EAF2: variants seen among roughly 807,000 people sequenced by gnomAD.
EAF2 encodes the protein ELL associated factor 2, also known as ELL-associated factor 2.
EAF2 carries 29 observed loss-of-function variants against 29.4 expected under a neutral mutation model. The observed-to-expected ratio is 0.99, with a 90% CI of 0.73 to 1.35. The LOEUF is 1.35. EAF2 is among the 40% of genes most tolerant of loss of function. The probability of loss-of-function intolerance (pLI) is 0.00; values close to 1 mark genes in which losing one functional copy is unlikely to be tolerated. For missense variants in EAF2, 292 were observed against 312.0 expected (o/e 0.94, Z 0.48); for synonymous variants, 103 against 102.5 (o/e 1.00, Z -0.03).
intron 1 of EAF2, among the ~76,000 whole-genome samples, chr3:121,836,034 A>G (rs1708271092): frequency 6.6e-6 from 1 of 152,222 alleles, no homozygotes; most frequent in Non-Finnish European, 1.5e-5. Flanking sequence ...GTCCTCTGGA[A>G]CTAGTTTTAA....
intron 4 of EAF2, among the ~76,000 whole-genome samples, chr3:121,864,134 T>A (rs1708883018): frequency 6.6e-6 from 1 of 152,206 alleles, no homozygotes; most frequent in Admixed American, 6.5e-5. Flanking sequence ...GTAAGAAAAC[T>A]TAAATCTCCA....
At chr3:121,862,209 T>C (rs1304314046) in intron 4 of EAF2, among the ~76,000 whole-genome samples, 8 of 152,206 alleles carry the variant, frequency 5.3e-5, no homozygotes. Context: ...TGAATTTGAA[T>C]GTTGGCCTGC....
In EAF2 at chr3:121,854,573, T is replaced by C. The variant is rs538352366; in HGVS notation, c.202-114T>C. ...CAGGGTAGTAAATTTAGGTAGTTTA[T>C]GGGTGACTTGAAGTATAACATAGAA... On this transcript the variant is annotated intron_variant, in intron 2 of 5. Coordinates refer to ENST00000273668, the MANE Select transcript of EAF2 (RefSeq NM_018456.6). 29 of 830,616 alleles carry C rather than the reference T, an allele frequency of 3.5e-5. No homozygotes were observed. In the Admixed American group the frequency reaches 7.9e-4, roughly 23 times the overall value. 51.5% of individuals were successfully genotyped at this position (830,616 alleles called of 1,614,324 possible).
intron 2 of EAF2, among the ~76,000 whole-genome samples, chr3:121,851,363 T>G (rs1460379370): frequency 6.6e-6 from 1 of 151,142 alleles, no homozygotes; most frequent in African/African-American, 2.4e-5. Context: ...TTTTTTTTTG[T>G]GGACACAGGT....
intron 4 of EAF2, among the ~76,000 whole-genome samples, chr3:121,861,888 T>C (rs1007611091): frequency 2.0e-5 from 3 of 152,182 alleles, no homozygotes; most frequent in Non-Finnish European, 4.4e-5. Flanking sequence ...TCTCTCAGCA[T>C]TTGCTTGTCT....
chr3:121,884,658 C>T (rs182863151), intron 5 of EAF2, among the ~76,000 whole-genome samples: 1 of 152,170 alleles, frequency 6.6e-6, no homozygotes, highest in Non-Finnish European at 1.5e-5. Context: ...ATCTCTTGAC[C>T]TCATGATCCG....
In EAF2 at chr3:121,851,000, C is replaced by T. The variant is rs564481434; in HGVS notation, c.202-3687C>T. ...GCAAGCGTGAGCCACCGTGCCCGGC[C>T]AAGTCTATTCTTATCCATTTAAAGT... On this transcript the variant is annotated intron_variant, in intron 2 of 5. Transcript: ENST00000273668. Among the ~76,000 whole-genome samples the T allele has an allele frequency of 4.1e-4, 63 of 152,246 alleles. 1 individual carries two copies. Among genetic ancestry groups the T allele is most frequent in the African/African-American group, 1.5e-3 (63 of 41,530 alleles).
At chr3:121,863,353 C>T (rs963048780) in intron 4 of EAF2, among the ~76,000 whole-genome samples, 2 of 152,288 alleles carry the variant, frequency 1.3e-5, no homozygotes, top group Admixed American at 1.3e-4. Context: ...CTGGTTCAAG[C>T]TTCCAGGCTG....
At chr3:121,877,251 A>G (rs1348185431) in intron 5 of EAF2, among the ~76,000 whole-genome samples, 1 of 151,676 alleles carries the variant, frequency 6.6e-6, no homozygotes, top group East Asian at 1.9e-4. Context: ...AACATAACAG[A>G]AGTAGTAGAA....
At position 121,869,797 on chromosome 3, in the gene EAF2, G is replaced by A. The variant is rs549240952; in HGVS notation, c.485-2740G>A. ...CCAGCTACTCAGGAGGCTGAGGTGA[G>A]TGGATTGCTTGAGCCCAAGAGGTTG... On this transcript the variant is annotated intron_variant, in intron 4 of 5. Coordinates refer to ENST00000273668, the MANE Select transcript of EAF2 (RefSeq NM_018456.6). Among the ~76,000 whole-genome samples, 18 of 152,210 alleles carry A rather than the reference G, an allele frequency of 1.2e-4. No individual in the cohort carries two copies. In the South Asian group the frequency reaches 3.1e-3, roughly 26 times the overall value.
intron 5 of EAF2, among the ~76,000 whole-genome samples, chr3:121,874,361 G>A (rs983769307): frequency 3.3e-5 from 5 of 151,860 alleles, no homozygotes; most frequent in Middle Eastern, 3.4e-3. Flanking sequence ...GACTTGGGAA[G>A]TAATATTGGA....
At chr3:121,854,629 C>A in intron 2 of EAF2, 58 bp from the exon 3 acceptor site, 2 of 1,377,962 alleles carry the variant, frequency 1.5e-6, no homozygotes, top group Non-Finnish European at 9.5e-7. Flanking sequence ...TTTCAAAGGC[C>A]TTCCCAAGTG....
At chr3:121,839,405 GTAGT>G (rs1210668118) in intron 1 of EAF2, among the ~76,000 whole-genome samples, 1 of 152,154 alleles carries the variant, frequency 6.6e-6, no homozygotes, top group Non-Finnish European at 1.5e-5. Flanking sequence ...TCATTTAGCT[GTAGT>G]TAAATGACAA....
chr3:121,855,084 C>G (rs41271411), intron 3 of EAF2, among the ~76,000 whole-genome samples: 1 of 151,970 alleles, frequency 6.6e-6, no homozygotes, highest in African/African-American at 2.4e-5. Context: ...ATTGTAGATA[C>G]TTCTGTATAA....
intron 4 of EAF2, among the ~76,000 whole-genome samples, chr3:121,861,693 G>A (rs915766842): frequency 3.3e-5 from 5 of 152,176 alleles, no homozygotes; most frequent in Non-Finnish European, 7.4e-5. Context: ...ATTGTTATGT[G>A]TTAATTTGAT....
At chr3:121,838,947 A>G (rs1002849970) in intron 1 of EAF2, among the ~76,000 whole-genome samples, 3 of 152,230 alleles carry the variant, frequency 2.0e-5, no homozygotes, top group African/African-American at 7.2e-5. Flanking sequence ...TGACTTCATC[A>G]TTTATTGACT....
At chr3:121,842,228 C>G (rs1239240156) in intron 1 of EAF2, among the ~76,000 whole-genome samples, 1 of 152,072 alleles carries the variant, frequency 6.6e-6, no homozygotes, top group Non-Finnish European at 1.5e-5. Context: ...ACAAAGTCCA[C>G]TAGTATAGGC....
At chr3:121,866,648 C>A (rs901393913) in intron 4 of EAF2, among the ~76,000 whole-genome samples, 1 of 151,902 alleles carries the variant, frequency 6.6e-6, no homozygotes, top group Non-Finnish European at 1.5e-5. Flanking sequence ...TTGCTTGAAC[C>A]CAGGAGGTGG....
At chr3:121,879,953 A>C (rs774819433) in intron 5 of EAF2, among the ~76,000 whole-genome samples, 14 of 151,796 alleles carry the variant, frequency 9.2e-5, no homozygotes, top group Non-Finnish European at 1.8e-4. Context: ...ATTGCATTGG[A>C]TCTGTAGATT....
Sources: gnomAD v4.1 joint callset for allele counts (sites outside exome capture counted in the v4.1 genomes callset) on GRCh38, gnomAD v4.1.1 for gene constraint, MANE v1.5 for transcripts, NCBI Gene and HGNC (gene_info 2026-07-23, HGNC 2026-07-21) for gene names.